The following JUP variants were observed in gnomAD, a reference collection of about 807,000 sequenced individuals.
JUP encodes junction plakoglobin.
A neutral mutation model predicts 71.1 loss-of-function variants in JUP; 28 were observed. The observed-to-expected ratio is 0.39, with a 90% CI of 0.29 to 0.54. JUP has a LOEUF of 0.54. JUP is among the 20% of genes least tolerant of loss of function. JUP has a pLI of 0.62. For synonymous variants in JUP, 401 were observed against 438.9 expected (o/e 0.91, Z 1.08); for missense variants, 869 against 1,030.1 (o/e 0.84, Z 2.14).
At chr17:41,764,854 C>T in intron 6 of JUP, 38 bp from the exon 7 acceptor site, 3 of 1,613,616 alleles carry the variant, frequency 1.9e-6, no homozygotes, top group Non-Finnish European at 2.5e-6. Context: ...CCACGGGGAG[C>T]ATGGCTGACT....
intron 1 of JUP, among the ~76,000 whole-genome samples, chr17:41,777,258 T>TGCAGCCAGGGGCAGCTGC (rs2046930226): frequency 6.6e-6 from 1 of 152,188 alleles, no homozygotes; most frequent in South Asian, 2.1e-4. Context: ...TGCTGCTTCC[T>TGCAGCCAGGGGCAGCTGC]GCAGCCAGGG....
At chr17:41,778,051 C>G (rs1250826090) in intron 1 of JUP, among the ~76,000 whole-genome samples, 1 of 152,208 alleles carries the variant, frequency 6.6e-6, no homozygotes, top group Non-Finnish European at 1.5e-5. Context: ...TACTCTCATT[C>G]CACTGCCTCC....
chr17:41,770,890 A>G (rs782471341), intron 2 of JUP, among the ~76,000 whole-genome samples: 28 of 152,140 alleles, frequency 1.8e-4, no homozygotes, highest in Admixed American at 4.6e-4. Context: ...CCCTCTACCC[A>G]AAGGGGAATC....
At chr17:41,777,985 A>G (rs1555609231) in intron 1 of JUP, among the ~76,000 whole-genome samples, 1 of 152,138 alleles carries the variant, frequency 6.6e-6, no homozygotes, top group African/African-American at 2.4e-5. Context: ...ACTTCACCCC[A>G]CACCAGGAAA....
chr17:41,764,941 G>C lies in JUP; in HGVS notation c.1036C>G (p.Pro346Ala), dbSNP rs782541154. ...KVLSVCPSNK[P>A]AIVEAGGMQA... ...TACTCACCAGCCTCCACAATGGCAGGCTTATTGCTGGGACACACGGATAGC... is the reference window on the plus strand; with the variant it reads ...TACTCACCAGCCTCCACAATGGCAGCCTTATTGCTGGGACACACGGATAGC... Residue 346 changes from proline (P) to alanine (A), a missense_variant, in exon 6 of 14, where the codon CCT becomes GCT. Pro to Ala is a conservative substitution (Grantham distance 27). Coordinates refer to ENST00000393931, the MANE Select transcript of JUP (RefSeq NM_002230.4). 6.2e-7 allele frequency: 1 copy of C among 1,614,196 alleles called. No individual in the cohort carries two copies. The highest frequency in any genetic ancestry group is 1.3e-5 in the African/African-American group (1 of 75,056).
In JUP at chr17:41,769,130, C is replaced by T. The variant is rs202038498; in HGVS notation, c.546G>A (p.Ser182=). Residue 182 remains serine, a synonymous_variant, in exon 4 of 14, where the codon TCG becomes TCA. Coordinates refer to ENST00000393931, the MANE Select transcript of JUP (RefSeq NM_002230.4). ...GCACGACAGCGGCCACCAGCTGGGG[C>T]GAGCCCATCAGGGCCCGCCGCGACG... is the stretch of plus-strand genomic sequence containing the variant. ...KEASRRALMG[S]PQLVAAVVRT... 1.2e-4 allele frequency: 198 copies of T among 1,609,536 alleles called. No individual in the cohort carries two copies. The East Asian group carries it at 1.4e-3, about 11-fold the overall frequency.
At chr17:41,758,928 C>G in intron 8 of JUP, 58 bp from the exon 9 acceptor site, 1 of 1,530,710 alleles carries the variant, frequency 6.5e-7, no homozygotes, top group Non-Finnish European at 8.8e-7. Context: ...AGGATCCCAG[C>G]TTCCCAGCTT....
At chr17:41,762,172 A>AGTGTGTGT (rs1567808437) in intron 8 of JUP, among the ~76,000 whole-genome samples, 8 of 44,092 alleles carry the variant, frequency 1.8e-4, no homozygotes, top group African/African-American at 5.3e-4. Flanking sequence ...AGAGAGAGAG[A>AGTGTGTGT]GAGAGTGTGT....
At chr17:41,781,588 C>T (rs1007485974) in intron 1 of JUP, among the ~76,000 whole-genome samples, 1 of 152,220 alleles carries the variant, frequency 6.6e-6, no homozygotes, top group Non-Finnish European at 1.5e-5. Flanking sequence ...CCCTGGTGAC[C>T]TGCCCAGCCA....
At position 41,758,404 on chromosome 17, in the gene JUP, C is replaced by A; in HGVS notation, c.1768G>T (p.Val590Leu). 1 of 1,613,168 alleles carries A rather than the reference C, an allele frequency of 6.2e-7. No homozygotes were observed. The highest frequency in any genetic ancestry group is 8.5e-7 in the Non-Finnish European group (1 of 1,180,002). Residue 590 changes from valine to leucine, a missense_variant, in exon 10 of 14, where the codon GTG becomes TTG. Coordinates refer to ENST00000393931, the MANE Select transcript of JUP (RefSeq NM_002230.4). ...CCCACCTGCCCCAGACTCACCTGCA[C>A]AAACAGGGGAATGGTGTTGAGCCGG... ...IFRLNTIPLF[V>L]QLLYSSVENI...
In JUP at chr17:41,781,279, C is replaced by T. The variant is rs1219947351; in HGVS notation, c.-9+5309G>A. ...CTGAGACAGGAGAATCACCTGAACC[C>T]GGGAGATGGAGGTTGCAGTGAGCCA... On this transcript the variant is annotated intron_variant, in intron 1 of 13. Coordinates refer to ENST00000393931, the MANE Select transcript of JUP (RefSeq NM_002230.4). Among the ~76,000 whole-genome samples, 7 of 151,386 alleles carry T rather than the reference C, an allele frequency of 4.6e-5. No homozygotes were observed. In the East Asian group the frequency reaches 5.8e-4, roughly 13 times the overall value.
At chr17:41,775,745 AG>A (rs2046851966) in intron 1 of JUP, among the ~76,000 whole-genome samples, 1 of 152,226 alleles carries the variant, frequency 6.6e-6, no homozygotes, top group Non-Finnish European at 1.5e-5. Context: ...GCCCAAGGAC[AG>A]GAAGAAGGAA....
chr17:41,773,691 G>T (rs1304336460), intron 1 of JUP, among the ~76,000 whole-genome samples: 4 of 152,120 alleles, frequency 2.6e-5, no homozygotes, highest in African/African-American at 9.7e-5. Context: ...ATGGTGGGGG[G>T]CGGGGGGCGG....
rs1395283149 is a variant in JUP at position 41,758,525 on chromosome 17, G to T, written c.1654-7C>A. The T allele has an allele frequency of 6.2e-7, 1 of 1,607,472 alleles. No homozygotes were observed. Among genetic ancestry groups the T allele is most frequent in the African/African-American group, 1.3e-5 (1 of 74,822 alleles). ...CCTCCATCCTCACACCATCCTGTGT[G>T]AGAGGAGGCAGGGGGCATGGGACAG... is the stretch of plus-strand genomic sequence containing the variant. On this transcript the variant is annotated splice_polypyrimidine_tract_variant and splice_region_variant and intron_variant, in intron 9 of 13. Coordinates refer to ENST00000393931, the MANE Select transcript of JUP (RefSeq NM_002230.4).
intron 2 of JUP, 87 bp downstream of exon 2, chr17:41,771,560 C>A: frequency 5.6e-6 from 7 of 1,247,104 alleles, no homozygotes; most frequent in Non-Finnish European, 4.7e-6. Context: ...CCAGAGACCC[C>A]CTACAATCTG....
At chr17:41,785,661 A>G (rs2047421414) in intron 1 of JUP, among the ~76,000 whole-genome samples, 1 of 152,230 alleles carries the variant, frequency 6.6e-6, no homozygotes, top group African/African-American at 2.4e-5. Context: ...AGCTGCTGTG[A>G]ATACTTCCTC....
chr17:41,780,939 G>C lies in JUP; in HGVS notation c.-9+5649C>G, dbSNP rs556616533. 1.7e-3 allele frequency among the ~76,000 whole-genome samples: 258 copies of C among 152,212 alleles called. 1 individual carries two copies. Among genetic ancestry groups the C allele is most frequent in the African/African-American group, 5.8e-3 (242 of 41,524 alleles). On this transcript the variant is annotated intron_variant, in intron 1 of 13. Transcript: ENST00000393931. ...CTCACGCCTGTAATCCCAGCACTTT[G>C]GGAGGCCGAGGCGGGTGGATCATGA...
chr17:41,768,561 C>CAA (rs879956266), intron 4 of JUP, among the ~76,000 whole-genome samples: 1 of 131,680 alleles, frequency 7.6e-6, no homozygotes, highest in Non-Finnish European at 1.7e-5. Flanking sequence ...GGCCTCATCT[C>CAA]AAAAAAAAAA....
At chr17:41,766,558 A>G (rs548749887) in intron 5 of JUP, among the ~76,000 whole-genome samples, 1 of 152,100 alleles carries the variant, frequency 6.6e-6, no homozygotes, top group East Asian at 1.9e-4. Flanking sequence ...CCATCTCTAT[A>G]AAAAATTAGT....
Sources: allele counts gnomAD v4.1 joint callset (sites outside exome capture counted in the v4.1 genomes callset), GRCh38; gene constraint gnomAD v4.1.1; transcripts MANE v1.5; gene names NCBI Gene and HGNC (gene_info 2026-07-23, HGNC 2026-07-21).